The following WDPCP variants were observed in gnomAD, a reference collection of about 807,000 sequenced individuals.
WDPCP encodes the protein WD repeat containing planar cell polarity effector.
Under a neutral mutation model 93.1 loss-of-function variants are expected in WDPCP, and 71 were observed. The ratio of observed to expected loss-of-function variants is 0.76; its 90% CI spans 0.63 to 0.93. WDPCP has a LOEUF of 0.93. Ranked by LOEUF, WDPCP falls within the 40% of genes least tolerant of loss-of-function variation. The pLI is 0.00. For synonymous variants in WDPCP, 315 were observed against 315.0 expected, an observed-to-expected ratio of 1.00 and a Z score of 0.00; for missense variants, 844 against 887.4, an observed-to-expected ratio of 0.95 and a Z score of 0.62.
At chr2:63,607,840 A>AG (rs1709569037) in intron 3 of WDPCP, among the ~76,000 whole-genome samples, 1 of 151,876 alleles carries the variant, frequency 6.6e-6, no homozygotes, top group South Asian at 2.1e-4. Context: ...AAAAAAAAAA[A>AG]AAGAAGAAAA....
At chr2:63,218,683 C>G (rs1431083329) in intron 14 of WDPCP, among the ~76,000 whole-genome samples, 19 of 152,232 alleles carry the variant, frequency 1.2e-4, no homozygotes, top group African/African-American at 3.1e-4. Flanking sequence ...GCGTGCGACA[C>G]TACGCCCAGC....
chr2:63,235,581 T>C (rs1679319095), intron 14 of WDPCP, among the ~76,000 whole-genome samples: 1 of 152,070 alleles, frequency 6.6e-6, no homozygotes, highest in Non-Finnish European at 1.5e-5. Context: ...CTGATGAACA[T>C]ATATGCAAAA....
chr2:63,704,070 T>C (rs1481851019), intron 2 of WDPCP, among the ~76,000 whole-genome samples: 2 of 152,218 alleles, frequency 1.3e-5, no homozygotes, highest in Non-Finnish European at 2.9e-5. Context: ...CAATTGTGAA[T>C]GAGAGTTCAC....
At chr2:63,777,116 TC>T (rs1428412772) in intron 2 of WDPCP, among the ~76,000 whole-genome samples, 1 of 152,168 alleles carries the variant, frequency 6.6e-6, no homozygotes, top group East Asian at 1.9e-4. Context: ...GTGATGAATA[TC>T]CTAAGTACCA....
intron 2 of WDPCP, among the ~76,000 whole-genome samples, chr2:63,807,274 GA>G (rs1467772468): frequency 6.6e-6 from 1 of 152,202 alleles, no homozygotes; most frequent in Non-Finnish European, 1.5e-5. Flanking sequence ...TGGACCATAA[GA>G]GGGGATCCCT....
intron 2 of WDPCP, among the ~76,000 whole-genome samples, chr2:63,734,910 T>TAGAG (rs1190230795): frequency 8.1e-6 from 1 of 124,164 alleles, no homozygotes; most frequent in African/African-American, 2.7e-5. Context: ...GACAGACAGA[T>TAGAG]AGATAGATGA....
chr2:63,331,637 CA>C (rs1250927392), intron 12 of WDPCP, among the ~76,000 whole-genome samples: 1 of 152,128 alleles, frequency 6.6e-6, no homozygotes, highest in Admixed American at 6.5e-5. Context: ...TAGATCATCT[CA>C]AAAAAGTTTC....
rs914913848 is a variant in WDPCP, at chr2:63,347,628, T to C, written c.1748+30758A>G. Among the ~76,000 whole-genome samples, 4 of 152,294 alleles carry C rather than the reference T, an allele frequency of 2.6e-5. No individual in the cohort carries two copies. The East Asian group carries it at 7.7e-4, about 29-fold the overall frequency. ...AGAATTCAAGATTAGAAATGCCATGTTGTAGTCATGGAAAAAGAATGATCA... is the reference window on the plus strand; with the variant it reads ...AGAATTCAAGATTAGAAATGCCATGCTGTAGTCATGGAAAAAGAATGATCA... On this transcript the variant is annotated intron_variant, in intron 12 of 17. Coordinates refer to ENST00000272321, the MANE Select transcript of WDPCP (RefSeq NM_015910.7).
intron 17 of WDPCP, among the ~76,000 whole-genome samples, chr2:63,136,469 A>G (rs2103639971): frequency 1.3e-5 from 2 of 152,318 alleles, no homozygotes; most frequent in South Asian, 4.1e-4. Context: ...ATTATCTATT[A>G]TATACAGACA....
At chr2:63,490,332 T>C (rs932077197) in intron 2 of WDPCP, among the ~76,000 whole-genome samples, 1 of 152,142 alleles carries the variant, frequency 6.6e-6, no homozygotes, top group Non-Finnish European at 1.5e-5. Flanking sequence ...GTAGGACATA[T>C]ACATGAATGT....
intron 6 of WDPCP, among the ~76,000 whole-genome samples, chr2:63,456,960 C>T (rs917356289): frequency 6.6e-6 from 1 of 151,324 alleles, no homozygotes; most frequent in East Asian, 1.9e-4. Context: ...TGCAGTGAGC[C>T]GAGGTTGCAG....
intron 17 of WDPCP, among the ~76,000 whole-genome samples, chr2:63,150,854 C>G (rs1329749038): frequency 6.6e-6 from 1 of 152,116 alleles, no homozygotes; most frequent in Non-Finnish European, 1.5e-5. Context: ...TGCAGAAACC[C>G]TACTTTAAAA....
chr2:63,607,022 A>C, intron 3 of WDPCP: 1 of 1,585,186 alleles, frequency 6.3e-7, no homozygotes, highest in South Asian at 1.2e-5. Flanking sequence ...TTCAAAGCTG[A>C]AGAATCTAAA....
chr2:63,533,812 G>A (rs537153743), intron 1 of WDPCP, among the ~76,000 whole-genome samples: 1 of 152,156 alleles, frequency 6.6e-6, no homozygotes, highest in East Asian at 1.9e-4. Context: ...AGAGAAGCAA[G>A]AGCAAACACA....
In WDPCP at chr2:63,703,732, A is replaced by G. The variant is rs528334624; in HGVS notation, n.309-52894T>C. Among the ~76,000 whole-genome samples the G allele has an allele frequency of 1.3e-4, 20 of 152,178 alleles. No individual in the cohort carries two copies. The South Asian group carries it at 2.9e-3, about 22-fold the overall frequency. On this transcript the variant is annotated intron_variant and non_coding_transcript_variant, in intron 2 of 4. Coordinates refer to the WDPCP transcript ENST00000467687. ...GTAGTATAGTTTGAAGTCAGGTAGCATGATGCCTCCAGCTTTGTTCTTTTG... is the reference window on the plus strand; with the variant it reads ...GTAGTATAGTTTGAAGTCAGGTAGCGTGATGCCTCCAGCTTTGTTCTTTTG...
At chr2:63,753,205 G>T (rs1334531457) in intron 2 of WDPCP, among the ~76,000 whole-genome samples, 1 of 152,032 alleles carries the variant, frequency 6.6e-6, no homozygotes, top group Non-Finnish European at 1.5e-5. Context: ...GCCGAGGCGG[G>T]CGGGTCACCA....
rs1051130624 is a variant in WDPCP, at chr2:63,417,619, G to A, written c.826-12962C>T. Among the ~76,000 whole-genome samples, 16 of 151,356 alleles carry A rather than the reference G, an allele frequency of 1.1e-4. 1 individual carries two copies. The highest frequency in any genetic ancestry group is 3.6e-4 in the African/African-American group (15 of 41,408). The stretch of plus-strand genomic sequence containing the variant: ...AACAAGAAACAAGAATAAGCATATA[G>A]AGATAATAAATCTGCACAGGGAAAT... On this transcript the variant is annotated intron_variant, in intron 9 of 17. Coordinates refer to ENST00000272321, the MANE Select transcript of WDPCP (RefSeq NM_015910.7).
intron 9 of WDPCP, among the ~76,000 whole-genome samples, chr2:63,407,026 C>A (rs1694643721): frequency 6.6e-6 from 1 of 152,040 alleles, no homozygotes; most frequent in Non-Finnish European, 1.5e-5. Context: ...CACCATCACA[C>A]CCTAATAGCA....
chr2:63,227,988 T>C (rs952301840), intron 14 of WDPCP, among the ~76,000 whole-genome samples: 2 of 152,134 alleles, frequency 1.3e-5, no homozygotes, highest in Non-Finnish European at 2.9e-5. Flanking sequence ...AGAAGAGTCT[T>C]TCTTTAAATG....
Sources: gnomAD v4.1 joint callset for allele counts (sites outside exome capture counted in the v4.1 genomes callset) on GRCh38, gnomAD v4.1.1 for gene constraint, MANE v1.5 for transcripts, NCBI Gene and HGNC (gene_info 2026-07-23, HGNC 2026-07-21) for gene names.